TTC7B: variants seen among roughly 807,000 people sequenced by gnomAD.
TTC7B encodes the protein tetratricopeptide repeat domain 7B, also known as tetratricopeptide repeat protein 7B.
A neutral mutation model predicts 106.8 loss-of-function variants in TTC7B; 28 were observed. The ratio of observed to expected loss-of-function variants is 0.26; its 90% confidence interval spans 0.19 to 0.36. The LOEUF (loss-of-function observed/expected upper bound fraction) is 0.36, where lower values mean the gene tolerates loss of function less well. TTC7B is among the 10% of genes least tolerant of loss of function. TTC7B has a pLI of 1.00. For synonymous variants in TTC7B, 405 were observed against 430.6 expected (o/e 0.94, Z 0.74); for missense variants, 862 against 1,076.4 (o/e 0.80, Z 2.79).
chr14:90,713,721 A>G (rs12886750), intron 5 of TTC7B, among the ~76,000 whole-genome samples: 23,594 of 152,252 alleles, frequency 0.15, 1,969 homozygotes, highest in Middle Eastern at 0.22. Flanking sequence ...CATGTTTACA[A>G]AAAGATCAGC....
chr14:90,557,656 G>A (rs1303820047), intron 19 of TTC7B, among the ~76,000 whole-genome samples: 1 of 152,256 alleles, frequency 6.6e-6, no homozygotes, highest in Non-Finnish European at 1.5e-5. Flanking sequence ...GCAACACTGA[G>A]CTCAAACAAG....
At position 90,786,246 on chromosome 14, in the gene TTC7B, G is replaced by A. The variant is rs1026386659; in HGVS notation, c.204C>T (p.Pro68=). 1 of 1,610,774 alleles carries A rather than the reference G, an allele frequency of 6.2e-7. No individual in the cohort carries two copies. Among genetic ancestry groups the A allele is most frequent in the African/African-American group, 1.3e-5 (1 of 74,836 alleles). The change falls in exon 2 of 20, where the codon CCC becomes CCT. Residue 68 remains proline (P), a synonymous_variant. Transcript: ENST00000328459. ...CAGTCAGCTGGGGCTTGGGGCCTCG[G>A]GGACTGGCCCCCTGCCTCAGGGGGT... ...KEHPLRQGAS[P]RGPKPQLTEV... is the part of the protein sequence containing the mutation.
rs1028475424 is a variant in TTC7B at position 90,531,583 on chromosome 14, C to A, written c.*9785G>T. ...GCAGTGAGTCGAGATTGTGCCATTG[C>A]GCTCCAGCCTGGACAACAAGAGCGA... On this transcript the variant is annotated 3_prime_UTR_variant, in exon 20 of 20. Transcript: ENST00000328459. 1.4e-5 allele frequency: 2 copies of A among 143,760 alleles called. No homozygotes were observed. The highest frequency in any genetic ancestry group is 3.0e-5 in the Non-Finnish European group (2 of 66,696). The allele number at this position is 143,760 out of a possible 1,614,324, so 8.9% of individuals were successfully genotyped here.
chr14:90,754,485 T>C (rs1471063116), intron 3 of TTC7B, among the ~76,000 whole-genome samples: 1 of 152,160 alleles, frequency 6.6e-6, no homozygotes, highest in Non-Finnish European at 1.5e-5. Flanking sequence ...ATTTATTACC[T>C]CACTATTAGA....
chr14:90,680,591 C>G (rs1348395604), intron 7 of TTC7B, 56 bp from the exon 8 acceptor site: 8 of 1,310,876 alleles, frequency 6.1e-6, no homozygotes, highest in Non-Finnish European at 8.8e-6. Flanking sequence ...TATACAAATA[C>G]AAGCAGAACT....
intron 1 of TTC7B, among the ~76,000 whole-genome samples, chr14:90,806,232 T>A (rs564720812): frequency 6.6e-6 from 1 of 152,342 alleles, no homozygotes; most frequent in Admixed American, 6.5e-5. Flanking sequence ...CCCCACATTC[T>A]GTGCTGGGCT....
intron 1 of TTC7B, among the ~76,000 whole-genome samples, chr14:90,791,331 C>T (rs1188273199): frequency 6.6e-6 from 1 of 152,128 alleles, no homozygotes; most frequent in African/African-American, 2.4e-5. Flanking sequence ...AAGGAAGAAC[C>T]TGTGTGTTGT....
rs1886183107 is a variant in TTC7B, at chr14:90,661,004, A to G, written c.1153-2617T>C. The stretch of plus-strand genomic sequence containing the variant: ...GCAGGAGTGGCTGGGCGAGGCCTCC[A>G]GGAGAGTCCTTTAAAAGCAGGGCAT... On this transcript the variant is annotated intron_variant, in intron 9 of 19. Transcript: ENST00000328459. Among the ~76,000 whole-genome samples, 4 of 152,204 alleles carry G rather than the reference A, an allele frequency of 2.6e-5. No individual in the cohort carries two copies. In the South Asian group the frequency reaches 8.3e-4, roughly 31 times the overall value.
rs775533410 is a variant in TTC7B, at chr14:90,578,340, C to T, written c.2108-32G>A. ...GGAGACAGCAACGGCACATGCTTTC[C>T]TGGTGCCCCTCTGAGGCCCTGCGAG... On this transcript the variant is annotated intron_variant, in intron 18 of 19. Transcript: ENST00000328459. This position sits in a 1 kb window ranked among gnomAD's most constrained non-coding sequence, Gnocchi z 4.7. The T allele has an allele frequency of 1.2e-6, 2 of 1,604,734 alleles. No individual in the cohort carries two copies. Among genetic ancestry groups the T allele is most frequent in the Non-Finnish European group, 1.7e-6 (2 of 1,175,638 alleles).
rs538425767 is a variant in TTC7B at position 90,802,199 on chromosome 14, C to G, written c.121+13976G>C. ...CGACGTGAGGCATCTCAGGGGACTG[C>G]GGGGTACAAGCCTAACTCACTGGAC... On this transcript the variant is annotated intron_variant, in intron 1 of 19. Transcript: ENST00000328459. The surrounding 1 kb of genome is among the most constrained non-coding windows in gnomAD (Gnocchi z 4.7). Among the ~76,000 whole-genome samples, 2 of 152,144 alleles carry G rather than the reference C, an allele frequency of 1.3e-5. No individual in the cohort carries two copies. The highest frequency in any genetic ancestry group is 4.8e-5 in the African/African-American group (2 of 41,446).
At position 90,807,998 on chromosome 14, in the gene TTC7B, A is replaced by G. The variant is rs1268247699; in HGVS notation, c.121+8177T>C. 6.6e-6 allele frequency among the ~76,000 whole-genome samples: 1 copy of G among 152,242 alleles called. No individual in the cohort carries two copies. The highest frequency in any genetic ancestry group is 1.5e-5 in the Non-Finnish European group (1 of 68,046). ...ATTAGTGTAATAGAAGAACAGTGAA[A>G]CTAGTTGGAAGTGGGCTAGAATCCA... On this transcript the variant is annotated intron_variant, in intron 1 of 19. Coordinates refer to ENST00000328459, the MANE Select transcript of TTC7B (RefSeq NM_001010854.2). This position sits in a 1 kb window ranked among gnomAD's most constrained non-coding sequence, Gnocchi z 4.1.
intron 8 of TTC7B, among the ~76,000 whole-genome samples, chr14:90,677,433 TC>T (rs1451380771): frequency 4.3e-4 from 65 of 152,366 alleles, no homozygotes; most frequent in Non-Finnish European, 1.8e-4. Flanking sequence ...GCAACTTGTT[TC>T]CATTACTTCT....
chr14:90,563,848 C>T (rs1208478005), intron 19 of TTC7B, among the ~76,000 whole-genome samples: 1 of 152,182 alleles, frequency 6.6e-6, no homozygotes, highest in Non-Finnish European at 1.5e-5. Context: ...CCACAAGAAG[C>T]AATGCCTTAT....
intron 3 of TTC7B, among the ~76,000 whole-genome samples, chr14:90,777,468 G>C (rs998102592): frequency 4.6e-5 from 7 of 152,102 alleles, no homozygotes; most frequent in African/African-American, 1.2e-4. Context: ...AACCATGCAG[G>C]CTTCCGATTC....
Position 90,541,217 on chromosome 14 carries a change from G to A in TTC7B, c.*151C>T, listed in dbSNP as rs983101950. On this transcript the variant is annotated 3_prime_UTR_variant, in exon 20 of 20. Coordinates refer to ENST00000328459, the MANE Select transcript of TTC7B (RefSeq NM_001010854.2). ...ACGCACATGGCGAGAGCGATGATTC[G>A]GGGTTGGTTTGGTTGGTTCACTGTG... 18 of 579,712 alleles carry A rather than the reference G, an allele frequency of 3.1e-5. No homozygotes were observed. The highest frequency in any genetic ancestry group is 2.4e-4 in the Admixed American group (7 of 29,144). 35.9% of individuals were successfully genotyped at this position (579,712 alleles called of 1,614,324 possible). A position where few individuals can be genotyped will look rare whatever the true frequency, so the allele number is the denominator to read the frequency against.
intron 15 of TTC7B, among the ~76,000 whole-genome samples, chr14:90,636,614 G>C (rs1038682333): frequency 6.4e-4 from 97 of 152,024 alleles, no homozygotes; most frequent in African/African-American, 2.2e-3. Context: ...ATTCTTTTCA[G>C]GCACACATGG....
intron 15 of TTC7B, among the ~76,000 whole-genome samples, chr14:90,640,789 T>C (rs925418771): frequency 3.3e-5 from 5 of 152,196 alleles, no homozygotes; most frequent in African/African-American, 7.2e-5. Flanking sequence ...CTGTCTGAGA[T>C]GGATATTTTA....
At chr14:90,635,786 A>G (rs917397428) in intron 15 of TTC7B, among the ~76,000 whole-genome samples, 9 of 149,732 alleles carry the variant, frequency 6.0e-5, no homozygotes, top group African/African-American at 2.2e-4. Flanking sequence ...AATTATCTAT[A>G]TATAATAAGC....
At chr14:90,720,721 T>C (rs1888862352) in intron 5 of TTC7B, among the ~76,000 whole-genome samples, 1 of 152,136 alleles carries the variant, frequency 6.6e-6, no homozygotes, top group African/African-American at 2.4e-5. Context: ...AGACACGAAA[T>C]TATATAACCA....
Sources: gnomAD v4.1 joint callset for allele counts (sites outside exome capture counted in the v4.1 genomes callset) on GRCh38, gnomAD v4.1.1 for gene constraint, Gnocchi (gnomAD v3.1) non-coding constraint, MANE v1.5 for transcripts, NCBI Gene and HGNC (gene_info 2026-07-23, HGNC 2026-07-21) for gene names.